Variants in JADE1 observed in about 807,000 individuals in gnomAD.
The protein encoded by JADE1 is jade family PHD finger 1, also known as protein Jade-1.
In JADE1, 14 loss-of-function variants were observed where a neutral mutation model predicts 81.8. The observed-to-expected ratio is 0.17, with a 90% CI of 0.11 to 0.27. The LOEUF (loss-of-function observed/expected upper bound fraction) is 0.27. Among genes scored for constraint, JADE1 ranks in the 10% least tolerant of loss-of-function variants. The probability of loss-of-function intolerance (pLI) is 1.00; values close to 1 mark genes in which losing one functional copy is unlikely to be tolerated. For synonymous variants in JADE1, 353 were observed against 391.9 expected, an observed-to-expected ratio of 0.90 and a Z score of 1.17; for missense variants, 690 against 1,047.9, an observed-to-expected ratio of 0.66 and a Z score of 4.71.
chr4:128,841,150 A>T (rs991044715), intron 2 of JADE1, among the ~76,000 whole-genome samples: 7 of 152,250 alleles, frequency 4.6e-5, no homozygotes, highest in African/African-American at 1.7e-4. Flanking sequence ...CACTGGCAGA[A>T]TGGCAGTTAA....
At chr4:128,811,587 G>A (rs1221426358) in intron 1 of JADE1, among the ~76,000 whole-genome samples, 1 of 146,240 alleles carries the variant, frequency 6.8e-6, no homozygotes, top group Non-Finnish European at 1.5e-5. Flanking sequence ...CTGCTTCTCC[G>A]CTGCGGCCGG....
Position 128,872,520 on chromosome 4 carries a change from C to A in JADE1, c.*258C>A. Reference sequence around the variant, plus strand: ...CTAAGACTAGAACCCGAACTGAACACTAAAATAAAAATGAAATGTTTTAAA... The same window carrying A: ...CTAAGACTAGAACCCGAACTGAACAATAAAATAAAAATGAAATGTTTTAAA... On this transcript the variant is annotated 3_prime_UTR_variant, in exon 11 of 11. Coordinates refer to ENST00000226319, the MANE Select transcript of JADE1 (RefSeq NM_199320.4). The A allele has an allele frequency of 2.4e-6, 1 of 409,136 alleles. No individual in the cohort carries two copies. 25.3% of individuals were successfully genotyped at this position (409,136 alleles called of 1,614,324 possible).
chr4:128,835,924 A>G (rs1193623803), intron 2 of JADE1, among the ~76,000 whole-genome samples: 3 of 152,222 alleles, frequency 2.0e-5, no homozygotes, highest in Non-Finnish European at 2.9e-5. Flanking sequence ...AGCTGCAGTC[A>G]TAGTTGAAGC....
chr4:128,850,312 C>CAA (rs10626914), intron 5 of JADE1, among the ~76,000 whole-genome samples: 72,570 of 139,664 alleles, frequency 0.52, 20,364 homozygotes, highest in South Asian at 0.66. Context: ...GACTCCATCT[C>CAA]AAAAAAAAAA....
At chr4:128,862,585 G>GT in intron 9 of JADE1, 2 of 1,078,608 alleles carry the variant, frequency 1.9e-6, no homozygotes, top group East Asian at 6.5e-5. Flanking sequence ...ACTCAGGATG[G>GT]TTTACAGACT....
intron 5 of JADE1, among the ~76,000 whole-genome samples, chr4:128,850,312 CAAA>C (rs10626914): frequency 1.4e-5 from 2 of 139,966 alleles, no homozygotes; most frequent in African/African-American, 5.4e-5. Flanking sequence ...GACTCCATCT[CAAA>C]AAAAAAAAAA....
At chr4:128,831,671 A>T (rs1728567259) in intron 1 of JADE1, 62 bp from the exon 2 acceptor site, 3 of 1,448,516 alleles carry the variant, frequency 2.1e-6, no homozygotes, top group Admixed American at 3.5e-5. Context: ...CTGCCATCTG[A>T]AGCACAACTT....
intron 1 of JADE1, chr4:128,812,100 G>T: frequency 6.6e-6 from 1 of 152,152 alleles, no homozygotes; most frequent in South Asian, 1.9e-4. Flanking sequence ...AGCTGGCGGC[G>T]GCGGGGCGGG....
In JADE1 at chr4:128,846,248, T is replaced by G; in HGVS notation, c.139-127T>G. ...TCAGGCAAAGTTTTTCTGTAATAGG[T>G]CAGGCTTGTTCTATGTTGATACAGT... On this transcript the variant is annotated intron_variant, in intron 3 of 10. Coordinates refer to ENST00000226319, the MANE Select transcript of JADE1 (RefSeq NM_199320.4). This position sits in a 1 kb window ranked among gnomAD's most constrained non-coding sequence, Gnocchi z 4.0. 5.3e-6 allele frequency: 5 copies of G among 943,378 alleles called. No homozygotes were observed. In the Admixed American group the frequency reaches 1.1e-4, roughly 20 times the overall value. The allele number at this position is 943,378 out of a possible 1,614,324, so 58.4% of individuals were successfully genotyped here.
intron 1 of JADE1, chr4:128,811,924 C>G (rs962273307): frequency 6.6e-6 from 1 of 151,800 alleles, no homozygotes; most frequent in Non-Finnish European, 1.5e-5. Context: ...CCGCCGCTGC[C>G]GCTCCCATCT....
intron 5 of JADE1, among the ~76,000 whole-genome samples, chr4:128,851,038 C>G (rs1358519331): frequency 6.6e-6 from 1 of 152,162 alleles, no homozygotes; most frequent in African/African-American, 2.4e-5. Flanking sequence ...TCAAGCGATT[C>G]TCCTGCCCCA....
rs560846765 is a variant in JADE1, at chr4:128,829,771, A to G, written c.-26-1962A>G. On this transcript the variant is annotated intron_variant, in intron 1 of 10. Coordinates refer to ENST00000226319, the MANE Select transcript of JADE1 (RefSeq NM_199320.4). ...TGATAAATTGTGAAGTGACTAGTCA[A>G]AGGAAAAGGGAGTTTAGGCTTTTTT... Among the ~76,000 whole-genome samples, 15 of 152,340 alleles carry G rather than the reference A, an allele frequency of 9.8e-5. No homozygotes were observed. The South Asian group carries it at 3.1e-3, about 32-fold the overall frequency.
chr4:128,857,904 T>G (rs1381923640), intron 8 of JADE1, among the ~76,000 whole-genome samples: 1 of 152,182 alleles, frequency 6.6e-6, no homozygotes, highest in Non-Finnish European at 1.5e-5. Flanking sequence ...ATTGCAGGTT[T>G]CCATGGTGTG....
chr4:128,819,217 G>C (rs545696989), intron 1 of JADE1, among the ~76,000 whole-genome samples: 6 of 152,032 alleles, frequency 3.9e-5, no homozygotes, highest in African/African-American at 1.4e-4. Flanking sequence ...AGTTGGCTAC[G>C]CTGAGGGCTG....
chr4:128,853,559 C>T (rs1443376516), intron 6 of JADE1, among the ~76,000 whole-genome samples: 1 of 152,090 alleles, frequency 6.6e-6, no homozygotes, highest in Non-Finnish European at 1.5e-5. Flanking sequence ...CTCAGTGCCT[C>T]TTTTTTATTT....
chr4:128,868,895 C>T (rs143462805), intron 10 of JADE1, among the ~76,000 whole-genome samples: 1 of 152,280 alleles, frequency 6.6e-6, no homozygotes, highest in East Asian at 1.9e-4. Flanking sequence ...CTTTAAAGTT[C>T]TAGCTGCACC....
chr4:128,825,023 C>G (rs759522208), intron 1 of JADE1, among the ~76,000 whole-genome samples: 1 of 152,124 alleles, frequency 6.6e-6, no homozygotes, highest in African/African-American at 2.4e-5. Context: ...TCCTCAAATT[C>G]TTAGTTACCT....
intron 10 of JADE1, among the ~76,000 whole-genome samples, chr4:128,868,757 G>A (rs532345773): frequency 3.1e-4 from 47 of 152,286 alleles, no homozygotes; most frequent in Middle Eastern, 3.4e-3. Context: ...AAAGTAGGTA[G>A]TATAAGGATT....
intron 4 of JADE1, among the ~76,000 whole-genome samples, chr4:128,847,074 G>A (rs1454094025): frequency 2.0e-5 from 3 of 152,124 alleles, no homozygotes; most frequent in African/African-American, 4.8e-5. Context: ...ATTATTCTTG[G>A]GGTACGTTCT....
Sources: gnomAD v4.1 joint callset for allele counts (sites outside exome capture counted in the v4.1 genomes callset) on GRCh38, gnomAD v4.1.1 for gene constraint, Gnocchi (gnomAD v3.1) non-coding constraint, MANE v1.5 for transcripts, NCBI Gene and HGNC (gene_info 2026-07-23, HGNC 2026-07-21) for gene names.